CSMD2: variants seen among roughly 807,000 people sequenced by gnomAD.
CSMD2 encodes CUB and sushi domain-containing protein 2.
In CSMD2, 130 loss-of-function variants were observed where a neutral mutation model predicts 398.5. The ratio of observed to expected loss-of-function variants is 0.33; its 90% CI spans 0.28 to 0.38. The LOEUF (loss-of-function observed/expected upper bound fraction) is 0.38, where lower values mean the gene tolerates loss of function less well. Ranked by LOEUF, CSMD2 falls within the 10% of genes least tolerant of loss-of-function variation. CSMD2 has a pLI of 1.00. For synonymous variants in CSMD2, 1,828 were observed against 1,908.5 expected (o/e 0.96, Z 1.10); for missense variants, 3,829 against 4,764.9 (o/e 0.80, Z 5.78).
chr1:33,645,984 G>A (rs1001318058), intron 29 of CSMD2, among the ~76,000 whole-genome samples: 1 of 152,254 alleles, frequency 6.6e-6, no homozygotes, highest in Non-Finnish European at 1.5e-5. Context: ...TAGTAGGGCT[G>A]AGTAGTTGTG....
At chr1:33,628,031 A>G (rs1642234540) in intron 32 of CSMD2, among the ~76,000 whole-genome samples, 1 of 152,234 alleles carries the variant, frequency 6.6e-6, no homozygotes, top group African/African-American at 2.4e-5. Flanking sequence ...CAAATACTTT[A>G]TGTGAACCAC....
chr1:33,800,286 C>T (rs1430621590), intron 10 of CSMD2, among the ~76,000 whole-genome samples: 1 of 152,124 alleles, frequency 6.6e-6, no homozygotes, highest in African/African-American at 2.4e-5. Flanking sequence ...GAATTAACTC[C>T]TGGGGTGAGG....
At chr1:33,660,814 C>T (rs1388976464) in intron 26 of CSMD2, among the ~76,000 whole-genome samples, 1 of 152,210 alleles carries the variant, frequency 6.6e-6, no homozygotes, top group African/African-American at 2.4e-5. Flanking sequence ...GAGTGAGCAC[C>T]TGCTGCATAC....
At chr1:33,575,254 G>C (rs1659965497) in intron 49 of CSMD2, among the ~76,000 whole-genome samples, 1 of 152,196 alleles carries the variant, frequency 6.6e-6, no homozygotes, top group Admixed American at 6.5e-5. Context: ...AGGAGGCATA[G>C]AGTCTCTAAA....
At position 33,792,539 on chromosome 1, in the gene CSMD2, C is replaced by CA. The variant is rs1351661899; in HGVS notation, c.1447-14dup. 8 of 1,593,660 alleles carry CA rather than the reference C, an allele frequency of 5.0e-6. No individual in the cohort carries two copies. Among genetic ancestry groups the CA allele is most frequent in the Non-Finnish European group, 6.9e-6 (8 of 1,161,564 alleles). On this transcript the variant is annotated splice_polypyrimidine_tract_variant and intron_variant, in intron 10 of 70. Coordinates refer to ENST00000373381, the MANE Select transcript of CSMD2 (RefSeq NM_001281956.2). Reference sequence around the variant, plus strand: ...CGAGCTTGATCACCTAGGGAGGGAACACAGGGTTAGGAGCAGGCAGGGGCT... The same window carrying CA: ...CGAGCTTGATCACCTAGGGAGGGAACAACAGGGTTAGGAGCAGGCAGGGGCT...
chr1:33,695,789 G>A (rs1482829427), intron 24 of CSMD2, among the ~76,000 whole-genome samples: 1 of 152,168 alleles, frequency 6.6e-6, no homozygotes, highest in Non-Finnish European at 1.5e-5. Context: ...TTTGGCCTCC[G>A]TGAACTCTTT....
rs750520674 is a variant in CSMD2, at chr1:33,714,657, C to T, written c.3336G>A (p.Glu1112=). Residue 1112 remains glutamate (E), a synonymous_variant, in exon 21 of 71, where the codon GAG becomes GAA. Transcript: ENST00000373381. ...CCAGGCACGTGATGCGGGCGGTGCC[C>T]TCCAGACGGTACCCGGGGAAGCAGG... The part of the protein sequence containing the change: ...TFSCFPGYRL[E]GTARITCLGG... The T allele has an allele frequency of 1.9e-6, 3 of 1,613,978 alleles. No homozygotes were observed. The highest frequency in any genetic ancestry group is 1.7e-5 in the Admixed American group (1 of 60,036).
Position 33,864,721 on chromosome 1 carries a change from G to C in CSMD2, c.921-17725C>G, listed in dbSNP as rs142588923. The C allele has an allele frequency of 6.2e-5, 100 of 1,611,936 alleles. No homozygotes were observed. Among genetic ancestry groups the C allele is most frequent in the Non-Finnish European group, 8.1e-5 (96 of 1,179,326 alleles). On this transcript the variant is annotated intron_variant, in intron 5 of 70. Transcript: ENST00000373381. ...AAGTACCGAATGTCAGCTAGAAACC[G>C]GTGCAGAGGGAAAAGAGTCAGGCAG... is the stretch of plus-strand genomic sequence containing the variant.
rs2149113724 is a variant in CSMD2 at position 33,698,821 on chromosome 1, C to T, written c.3857G>A (p.Gly1286Asp). The part of the protein sequence containing the change: ...FSCDPGYSLR[G>D]SEELLCLSGE... Reference sequence around the variant, plus strand: ...ACTCAGACACAGCAGCTCCTCACTACCCCGCAGGCTGTATCCAGGGTCACA... The same window carrying T: ...ACTCAGACACAGCAGCTCCTCACTATCCCGCAGGCTGTATCCAGGGTCACA... Residue 1286 changes from glycine (G) to aspartate (D), a missense_variant, in exon 24 of 71, where the codon GGT becomes GAT. Around this residue, in one of 5 missense-constraint regions of CSMD2, gnomAD observed 2,001 missense variants for 2,567.1 expected, o/e 0.78. Coordinates refer to ENST00000373381, the MANE Select transcript of CSMD2 (RefSeq NM_001281956.2). 2 of 1,614,204 alleles carry T rather than the reference C, an allele frequency of 1.2e-6. No homozygotes were observed. Among genetic ancestry groups the T allele is most frequent in the East Asian group, 2.2e-5 (1 of 44,884 alleles).
chr1:33,615,925 G>T (rs1209514505), intron 39 of CSMD2, among the ~76,000 whole-genome samples: 1 of 152,192 alleles, frequency 6.6e-6, no homozygotes, highest in Non-Finnish European at 1.5e-5. Context: ...AGAACCTTAG[G>T]TTTCCGTTCC....
At chr1:34,002,448 G>C (rs568548891) in intron 3 of CSMD2, among the ~76,000 whole-genome samples, 12 of 152,320 alleles carry the variant, frequency 7.9e-5, no homozygotes, top group African/African-American at 2.9e-4. Flanking sequence ...CTCTCCTGGT[G>C]CCTCAGTTTC....
intron 10 of CSMD2, among the ~76,000 whole-genome samples, chr1:33,797,882 A>G (rs775885045): frequency 5.3e-5 from 8 of 152,174 alleles, no homozygotes; most frequent in Non-Finnish European, 8.8e-5. Context: ...TTACGCCTAT[A>G]ATGGGAAAAT....
chr1:33,664,718 T>C (rs1644252279), intron 25 of CSMD2, among the ~76,000 whole-genome samples: 1 of 151,984 alleles, frequency 6.6e-6, no homozygotes, highest in Non-Finnish European at 1.5e-5. Flanking sequence ...CAGGAGAATG[T>C]AATGAACCCG....
chr1:34,151,740 T>C (rs1007243528), intron 1 of CSMD2, among the ~76,000 whole-genome samples: 1 of 152,040 alleles, frequency 6.6e-6, no homozygotes, highest in Admixed American at 6.5e-5. Flanking sequence ...TCAGCCCAAG[T>C]AGGTAGACTT....
chr1:33,787,193 G>C (rs968585219), intron 12 of CSMD2, among the ~76,000 whole-genome samples: 5 of 152,212 alleles, frequency 3.3e-5, no homozygotes, highest in Admixed American at 3.3e-4. Context: ...TCTACCCATA[G>C]TGGGGGCATG....
At chr1:33,762,955 T>A (rs189169903) in intron 13 of CSMD2, among the ~76,000 whole-genome samples, 2 of 152,270 alleles carry the variant, frequency 1.3e-5, no homozygotes, top group Admixed American at 6.5e-5. Context: ...GGACCATGCA[T>A]CTCACTCCTT....
chr1:33,891,523 A>G (rs914846291), intron 5 of CSMD2, among the ~76,000 whole-genome samples: 3 of 151,702 alleles, frequency 2.0e-5, no homozygotes, highest in African/African-American at 7.3e-5. Flanking sequence ...TAGAAATACC[A>G]TTTGACCCAG....
At chr1:34,147,753 G>A (rs1639917118) in intron 1 of CSMD2, among the ~76,000 whole-genome samples, 1 of 152,184 alleles carries the variant, frequency 6.6e-6, no homozygotes, top group African/African-American at 2.4e-5. Flanking sequence ...GAGAAATGGG[G>A]CACAGGGATG....
intron 3 of CSMD2, among the ~76,000 whole-genome samples, chr1:33,940,842 G>T (rs1644646394): frequency 6.6e-6 from 1 of 152,158 alleles, no homozygotes; most frequent in Non-Finnish European, 1.5e-5. Context: ...AGTCTGATTT[G>T]CCAGTCCTGT....
Sources: gnomAD v4.1 joint callset for allele counts (sites outside exome capture counted in the v4.1 genomes callset) on GRCh38, gnomAD v4.1.1 for gene constraint, gnomAD v4.1.1 regional missense constraint, MANE v1.5 for transcripts, NCBI Gene and HGNC (gene_info 2026-07-23, HGNC 2026-07-21) for gene names.